Variants in RBL2 observed in about 807,000 individuals in gnomAD.
The protein encoded by RBL2 is RB transcriptional corepressor like 2, also known as retinoblastoma-like protein 2.
RBL2 carries 56 observed loss-of-function variants against 126.0 expected under a neutral mutation model. The ratio of observed to expected loss-of-function variants is 0.44; its 90% CI spans 0.36 to 0.56. The LOEUF (loss-of-function observed/expected upper bound fraction) is 0.56, where lower values mean the gene tolerates loss of function less well. Among genes scored for constraint, RBL2 ranks in the 20% least tolerant of loss-of-function variants. RBL2 has a pLI of 0.00. For synonymous variants in RBL2, 454 were observed against 478.5 expected (o/e 0.95, Z 0.67); for missense variants, 1,229 against 1,398.2 (o/e 0.88, Z 1.93).
At chr16:53,473,836 GTTTTTT>G (rs954445232) in intron 17 of RBL2, among the ~76,000 whole-genome samples, 2 of 150,956 alleles carry the variant, frequency 1.3e-5, no homozygotes, top group Non-Finnish European at 3.0e-5. Flanking sequence ...TTCATTGAGT[GTTTTTT>G]TTATCATGAA....
intron 17 of RBL2, among the ~76,000 whole-genome samples, chr16:53,473,299 T>A (rs1960592853): frequency 6.6e-6 from 1 of 152,170 alleles, no homozygotes; most frequent in African/African-American, 2.4e-5. Context: ...CTTAACAATT[T>A]TATATCTTCT....
chr16:53,453,443 A>ACACCAT lies in RBL2; in HGVS notation c.767-8_767-3dup, dbSNP rs769088908. Reference sequence around the variant, plus strand: ...TGATATCTCTGTTTTGTGATTCTATACACCATAGGCTTATCTGAAGATTTT... The same window carrying ACACCAT: ...TGATATCTCTGTTTTGTGATTCTATACACCATCACCATAGGCTTATCTGAAGATTTT... On this transcript the variant is annotated splice_polypyrimidine_tract_variant and intron_variant, in intron 5 of 21. Coordinates refer to ENST00000262133, the MANE Select transcript of RBL2 (RefSeq NM_005611.4). 97 of 1,603,988 alleles carry ACACCAT rather than the reference A, an allele frequency of 6.0e-5. 2 individuals carry two copies. The South Asian group carries it at 1.0e-3, about 17-fold the overall frequency.
chr16:53,455,972 T>C (rs953921558), intron 8 of RBL2, among the ~76,000 whole-genome samples: 1 of 151,950 alleles, frequency 6.6e-6, no homozygotes, highest in African/African-American at 2.4e-5. Flanking sequence ...AGTTCAAGAC[T>C]AGTCTGGGCA....
intron 9 of RBL2, among the ~76,000 whole-genome samples, 161 bp downstream of exon 9, chr16:53,459,778 A>G (rs912177730): frequency 6.6e-6 from 1 of 152,246 alleles, no homozygotes; most frequent in African/African-American, 2.4e-5. Context: ...AATAAGATGT[A>G]TAAGTGGAAG....
chr16:53,450,799 G>A (rs2058107880), intron 4 of RBL2, among the ~76,000 whole-genome samples: 1 of 152,122 alleles, frequency 6.6e-6, no homozygotes, highest in Admixed American at 6.6e-5. Context: ...TATTAAAAAT[G>A]TTACTGTTGG....
At chr16:53,467,730 G>T (rs1349494750) in intron 14 of RBL2, among the ~76,000 whole-genome samples, 1 of 152,136 alleles carries the variant, frequency 6.6e-6, no homozygotes, top group African/African-American at 2.4e-5. Context: ...TAAAGTGTAT[G>T]TTTATTTATG....
intron 4 of RBL2, among the ~76,000 whole-genome samples, chr16:53,448,278 T>C (rs1171145876): frequency 1.3e-5 from 2 of 151,220 alleles, no homozygotes; most frequent in East Asian, 4.0e-4. Context: ...TGCCTCAGCC[T>C]CCCGAGTAGC....
In RBL2 at chr16:53,434,493, C is replaced by T; in HGVS notation, c.-64C>T. The T allele has an allele frequency of 7.6e-7, 1 of 1,323,922 alleles. No individual in the cohort carries two copies. Among genetic ancestry groups the T allele is most frequent in the Non-Finnish European group, 9.6e-7 (1 of 1,039,566 alleles). 82.0% of individuals were successfully genotyped at this position (1,323,922 alleles called of 1,614,324 possible). A position where few individuals can be genotyped will look rare whatever the true frequency, so the allele number is the denominator to read the frequency against. The stretch of plus-strand genomic sequence containing the variant: ...GGCGGCGGACGGGCGGGCGCTTCGC[C>T]GTTTGAATGGCTGCGGGCCCGGGCC... On this transcript the variant is annotated 5_prime_UTR_variant, in exon 1 of 22. Transcript: ENST00000262133.
rs965144601 is a variant in RBL2 at position 53,455,177 on chromosome 16, C to T, written c.1179+335C>T. On this transcript the variant is annotated intron_variant, in intron 8 of 21. Coordinates refer to ENST00000262133, the MANE Select transcript of RBL2 (RefSeq NM_005611.4). ...TAGGCATTTAGAAAGTGATAATTGA[C>T]CTGACTGGGGCCTTCATTTAAGAGA... is the stretch of plus-strand genomic sequence containing the variant. Among the ~76,000 whole-genome samples the T allele has an allele frequency of 7.2e-5, 11 of 152,242 alleles. No homozygotes were observed. The South Asian group carries it at 2.1e-3, about 29-fold the overall frequency.
intron 1 of RBL2, among the ~76,000 whole-genome samples, chr16:53,436,783 A>G (rs573808063): frequency 1.3e-5 from 2 of 152,338 alleles, no homozygotes; most frequent in Non-Finnish European, 2.9e-5. Flanking sequence ...TAGCTACTGT[A>G]TGGCAGAGCC....
At position 53,459,519 on chromosome 16, in the gene RBL2, G is replaced by A; in HGVS notation, c.1248G>A (p.Val416=). Residue 416 remains valine (V), a synonymous_variant, in exon 9 of 22, where the codon GTG becomes GTA. Transcript: ENST00000262133. The part of the protein sequence containing the change: ...VRYIKENSPC[V]TPVSTATHSL... ...ACATTAAGGAGAATAGCCCTTGTGT[G>A]ACTCCAGTTTCTACAGCTACGCATA... The A allele has an allele frequency of 1.2e-6, 2 of 1,612,640 alleles. No homozygotes were observed. Among genetic ancestry groups the A allele is most frequent in the East Asian group, 2.2e-5 (1 of 44,806 alleles).
At chr16:53,489,984 G>C in intron 21 of RBL2, 146 bp from the exon 22 acceptor site, 1 of 547,518 alleles carries the variant, frequency 1.8e-6, no homozygotes, top group Non-Finnish European at 2.8e-6. Flanking sequence ...AAAGTTGGCA[G>C]GTTATGTAAC....
chr16:53,436,627 T>C (rs1404380227), intron 1 of RBL2, among the ~76,000 whole-genome samples: 1 of 152,218 alleles, frequency 6.6e-6, no homozygotes, highest in Non-Finnish European at 1.5e-5. Flanking sequence ...AAAGCTCTTA[T>C]GATGTTTAAT....
At position 53,465,589 on chromosome 16, in the gene RBL2, C is replaced by A; in HGVS notation, c.1850C>A (p.Pro617His). Residue 617 changes from proline to histidine, a missense_variant, in exon 13 of 22, where the codon CCT (proline) becomes CAT (histidine). By Grantham distance (77) the Pro-to-His change is moderately conservative. Coordinates refer to ENST00000262133, the MANE Select transcript of RBL2 (RefSeq NM_005611.4). ...ATTAGAGACAATGAAAACAGAGTTC[C>A]TACATGTGAAGAGGTTTGTGAAAAT... Reference protein sequence around the residue: ...EKIRDNENRVPTCEEVMPPQN... With the variant: ...EKIRDNENRVHTCEEVMPPQN... 1 of 1,583,740 alleles carries A rather than the reference C, an allele frequency of 6.3e-7. No homozygotes were observed.
intron 2 of RBL2, among the ~76,000 whole-genome samples, chr16:53,440,451 A>T (rs1276010328): frequency 6.6e-6 from 1 of 152,238 alleles, no homozygotes; most frequent in African/African-American, 2.4e-5. Context: ...AATAAAATGA[A>T]TAAAGAACAT....
At chr16:53,488,840 A>G (rs776189531) in intron 21 of RBL2, 1 of 152,196 alleles carries the variant, frequency 6.6e-6, no homozygotes, top group Admixed American at 6.5e-5. Context: ...GGGAGACTGC[A>G]GAGATAGCAA....
chr16:53,468,444 C>A (rs1036581681), intron 14 of RBL2, among the ~76,000 whole-genome samples: 6 of 152,012 alleles, frequency 3.9e-5, no homozygotes, highest in African/African-American at 1.4e-4. Flanking sequence ...TATGAAAAGT[C>A]CTCATTTTTG....
intron 5 of RBL2, among the ~76,000 whole-genome samples, chr16:53,453,015 A>G (rs2153141252): frequency 6.6e-6 from 1 of 152,194 alleles, no homozygotes; most frequent in East Asian, 1.9e-4. Flanking sequence ...TGCTGAGTCT[A>G]GGGCAAGAAT....
At chr16:53,440,814 A>G (rs1487231774) in intron 2 of RBL2, among the ~76,000 whole-genome samples, 1 of 152,116 alleles carries the variant, frequency 6.6e-6, no homozygotes, top group Admixed American at 6.5e-5. Context: ...TTGGACTCCC[A>G]AAGTGCTGGC....
Sources: allele counts gnomAD v4.1 joint callset (sites outside exome capture counted in the v4.1 genomes callset), GRCh38; gene constraint gnomAD v4.1.1; transcripts MANE v1.5; gene names NCBI Gene and HGNC (gene_info 2026-07-23, HGNC 2026-07-21).